Variants in HS3ST1 observed in about 807,000 individuals in gnomAD.
HS3ST1 encodes heparan sulfate-glucosamine 3-sulfotransferase 1.
A neutral mutation model predicts 20.7 loss-of-function variants in HS3ST1; 8 were observed. That is an observed-to-expected ratio of 0.39 (90% confidence interval 0.23 to 0.70). The LOEUF (loss-of-function observed/expected upper bound fraction) is 0.70, where lower values mean the gene tolerates loss of function less well. HS3ST1 is among the 30% of genes least tolerant of loss of function. The pLI is 0.46. For synonymous variants in HS3ST1, 205 were observed against 190.4 expected (o/e 1.08, Z -0.63); for missense variants, 436 against 423.4 (o/e 1.03, Z -0.26).
At chr4:11,426,856 T>C (rs1054171564) in intron 1 of HS3ST1, among the ~76,000 whole-genome samples, 3 of 152,230 alleles carry the variant, frequency 2.0e-5, no homozygotes, top group Admixed American at 2.0e-4. Flanking sequence ...CATTTCAATA[T>C]GTTATTTCTG....
At chr4:11,427,337 G>C (rs1209492197) in intron 1 of HS3ST1, among the ~76,000 whole-genome samples, 4 of 152,180 alleles carry the variant, frequency 2.6e-5, no homozygotes, top group Non-Finnish European at 5.9e-5. Flanking sequence ...GCGCAGCCGA[G>C]CTGGTGGTGG....
At chr4:11,430,468 G>C (rs962939922), upstream of HS3ST1, among the ~76,000 whole-genome samples, 1 of 152,176 alleles carries the variant, frequency 6.6e-6, no homozygotes, top group Non-Finnish European at 1.5e-5. Context: ...ATAAAGTTCT[G>C]CCAATTACTG....
intron 1 of HS3ST1, among the ~76,000 whole-genome samples, chr4:11,412,572 C>G: frequency 6.6e-6 from 1 of 152,114 alleles, no homozygotes. Context: ...CTGCTGAGGT[C>G]TCCTTGATGG....
At chr4:11,404,241 G>C (rs1478501510) in intron 1 of HS3ST1, among the ~76,000 whole-genome samples, 1 of 152,042 alleles carries the variant, frequency 6.6e-6, no homozygotes, top group African/African-American at 2.4e-5. Flanking sequence ...GTAGAGATGG[G>C]GTTTCGCCAT....
chr4:11,410,276 C>T (rs1446958338), intron 1 of HS3ST1, among the ~76,000 whole-genome samples: 1 of 152,136 alleles, frequency 6.6e-6, no homozygotes, highest in Non-Finnish European at 1.5e-5. Flanking sequence ...TCAGAGTAGA[C>T]ATAGATCCAG....
intron 1 of HS3ST1, among the ~76,000 whole-genome samples, chr4:11,426,100 A>ACCCAGCC (rs886307082): frequency 2.4e-4 from 37 of 152,168 alleles, no homozygotes; most frequent in African/African-American, 8.4e-4. Context: ...CTGAGCACTG[A>ACCCAGCC]CCCAGCCTAC....
intron 1 of HS3ST1, among the ~76,000 whole-genome samples, chr4:11,426,572 C>A (rs1719067632): frequency 6.6e-6 from 1 of 152,192 alleles, no homozygotes; most frequent in African/African-American, 2.4e-5. Flanking sequence ...CAAAAATCTC[C>A]TATCTTAAAA....
intron 1 of HS3ST1, among the ~76,000 whole-genome samples, chr4:11,410,959 C>T (rs1718614084): frequency 6.6e-6 from 1 of 152,084 alleles, no homozygotes. Context: ...TGGGATGAAG[C>T]ATATAGTCCT....
rs1718276654 is a variant in HS3ST1, at chr4:11,399,957, G to C, written c.49C>G (p.Leu17Val). The change falls in exon 2 of 2, where the codon CTA becomes GTA. Residue 17 changes from leucine to valine, a missense_variant. Coordinates refer to ENST00000002596, the MANE Select transcript of HS3ST1 (RefSeq NM_005114.4). The surrounding 1 kb of genome is among the most constrained non-coding windows in gnomAD (Gnocchi z 5.1). ...AGCTCGGCGGGGCGGGAAGGCACTA[G>C]CTGGGGCTGGGCCACCAGCAGCACC... ...GAVLLVAQPQLVPSRPAELGQ... is the reference protein window; with the variant it reads ...GAVLLVAQPQVVPSRPAELGQ... The C allele has an allele frequency of 1.3e-6, 2 of 1,557,544 alleles. No homozygotes were observed. Among genetic ancestry groups the C allele is most frequent in the Non-Finnish European group, 1.7e-6 (2 of 1,156,056 alleles).
intron 1 of HS3ST1, among the ~76,000 whole-genome samples, chr4:11,427,860 C>G (rs900521168): frequency 9.8e-5 from 15 of 152,370 alleles, no homozygotes; most frequent in East Asian, 5.8e-4. Flanking sequence ...GTCTGTCCTC[C>G]GCTTCCTGGG....
At chr4:11,409,623 C>G (rs1423626529) in intron 1 of HS3ST1, among the ~76,000 whole-genome samples, 1 of 152,202 alleles carries the variant, frequency 6.6e-6, no homozygotes, top group Admixed American at 6.5e-5. Flanking sequence ...AACTTCCAGC[C>G]TCCAGAGCTG....
At chr4:11,430,805 T>G (rs1188815440), upstream of HS3ST1, among the ~76,000 whole-genome samples, 1 of 152,214 alleles carries the variant, frequency 6.6e-6, no homozygotes, top group Non-Finnish European at 1.5e-5. Flanking sequence ...AGGGCACATG[T>G]GGGAAGTGAC....
rs1718473472 is a variant in HS3ST1 at position 11,406,671 on chromosome 4, T to G, written c.-108-6558A>C. On this transcript the variant is annotated intron_variant, in intron 1 of 1. Coordinates refer to ENST00000002596, the MANE Select transcript of HS3ST1 (RefSeq NM_005114.4). ...CCCTTTGAATGGTGATGCTTCCCCTTGGGCAGTGGGGAGTGCATTCCAGGC... is the reference window on the plus strand; with the variant it reads ...CCCTTTGAATGGTGATGCTTCCCCTGGGGCAGTGGGGAGTGCATTCCAGGC... Among the ~76,000 whole-genome samples the G allele has an allele frequency of 2.0e-5, 3 of 152,270 alleles. No individual in the cohort carries two copies. The South Asian group carries it at 6.2e-4, about 32-fold the overall frequency.
In HS3ST1 at chr4:11,399,735, C is replaced by T. The variant is rs1718263942; in HGVS notation, c.271G>A (p.Asp91Asn). The change falls in exon 2 of 2, where the codon GAC (aspartate) becomes AAC (asparagine). Residue 91 changes from aspartate (D) to asparagine (N), a missense_variant. Coordinates refer to ENST00000002596, the MANE Select transcript of HS3ST1 (RefSeq NM_005114.4). This position sits in a 1 kb window ranked among gnomAD's most constrained non-coding sequence, Gnocchi z 5.1. ...CCGTGGCTGTAATGCTCCTCCCAGT[C>T]GAAGAAGTGGACCTCGTTCTCCGCG... ...AAAENEVHFF[D>N]WEEHYSHGLG... 6.2e-7 allele frequency: 1 copy of T among 1,613,886 alleles called. No homozygotes were observed. The highest frequency in any genetic ancestry group is 8.5e-7 in the Non-Finnish European group (1 of 1,180,038).
At chr4:11,421,852 T>A (rs1015517196) in intron 1 of HS3ST1, among the ~76,000 whole-genome samples, 4 of 152,090 alleles carry the variant, frequency 2.6e-5, no homozygotes, top group African/African-American at 9.7e-5. Flanking sequence ...GGATCCGGAG[T>A]CTGCCACCTT....
chr4:11,412,172 G>C (rs1297913428), intron 1 of HS3ST1, among the ~76,000 whole-genome samples: 1 of 152,130 alleles, frequency 6.6e-6, no homozygotes, highest in South Asian at 2.1e-4. Context: ...TGCTCGAAAG[G>C]GCCAAAGCAC....
chr4:11,397,640 T>C lies in HS3ST1; in HGVS notation c.*1442A>G, dbSNP rs958162483. On this transcript the variant is annotated 3_prime_UTR_variant, in exon 2 of 2. Transcript: ENST00000002596. The stretch of plus-strand genomic sequence containing the variant: ...AATGTGACCTTGGGCAAGTTTCTCA[T>C]GTTCTCTGGGCCTAATTCCTCCTCT... The C allele has an allele frequency of 6.6e-6, 1 of 152,210 alleles. No homozygotes were observed. Among genetic ancestry groups the C allele is most frequent in the Non-Finnish European group, 1.5e-5 (1 of 68,044 alleles). 9.4% of individuals were successfully genotyped at this position (152,210 alleles called of 1,614,324 possible).
chr4:11,408,461 G>T (rs1000175628), intron 1 of HS3ST1, among the ~76,000 whole-genome samples: 2 of 152,190 alleles, frequency 1.3e-5, no homozygotes, highest in Admixed American at 1.3e-4. Context: ...AAGAAGAAAG[G>T]ACAGTGACAC....
intron 1 of HS3ST1, among the ~76,000 whole-genome samples, chr4:11,403,625 G>T (rs538981574): frequency 1.0e-3 from 158 of 152,208 alleles, no homozygotes; most frequent in Admixed American, 2.3e-3. Flanking sequence ...CAATATTTTT[G>T]GGATTCCATA....
Sources: allele counts gnomAD v4.1 joint callset (sites outside exome capture counted in the v4.1 genomes callset), GRCh38; gene constraint gnomAD v4.1.1; non-coding constraint Gnocchi (gnomAD v3.1); transcripts MANE v1.5; gene names NCBI Gene and HGNC (gene_info 2026-07-23, HGNC 2026-07-21).